The following PDIA2 variants were observed in gnomAD, a reference collection of about 807,000 sequenced individuals.
PDIA2 encodes protein disulfide-isomerase A2.
In PDIA2, 76 loss-of-function variants were observed where a neutral mutation model predicts 51.1. The ratio of observed to expected loss-of-function variants is 1.49; its 90% CI spans 1.24 to 1.80. The LOEUF (loss-of-function observed/expected upper bound fraction) is 1.80. Among genes scored for constraint, PDIA2 ranks in the 40% most tolerant of loss-of-function variants. PDIA2 has a pLI of 0.00. For synonymous variants in PDIA2, 429 were observed against 309.9 expected (o/e 1.38, Z -4.04); for missense variants, 946 against 706.5 (o/e 1.34, Z -3.84).
Position 286,861 on chromosome 16 carries a change from C to T in PDIA2, c.1449C>T (p.Asp483=), listed in dbSNP as rs2052390317. Residue 483 remains aspartate (D), a synonymous_variant, in exon 10 of 11, where the codon GAC becomes GAT. Coordinates refer to ENST00000219406, the MANE Select transcript of PDIA2 (RefSeq NM_006849.4). Reference sequence around the variant, plus strand: ...TGATTGAATACAAAAGCACCAGGGACCTGGAGACTTTCTCCAAGTTCCTGG... The same window carrying T: ...TGATTGAATACAAAAGCACCAGGGATCTGGAGACTTTCTCCAAGTTCCTGG... ...RKVIEYKSTR[D]LETFSKFLDN... 1.2e-6 allele frequency: 2 copies of T among 1,608,602 alleles called. No individual in the cohort carries two copies. Among genetic ancestry groups the T allele is most frequent in the African/African-American group, 1.3e-5 (1 of 74,670 alleles).
At position 283,267 on chromosome 16, in the gene PDIA2, C is replaced by T. The variant is rs1215589103; in HGVS notation, c.98C>T (p.Pro33Leu). ...GGAGCGAGGAGCCCCTCGGAGGAGC[C>T]TCCAGAGGAGGAAATCCCCAAGGAG... Reference protein sequence around the residue: ...EQGARSPSEEPPEEEIPKEDG... With the variant: ...EQGARSPSEELPEEEIPKEDG... The change falls in exon 1 of 11, where the codon CCT (proline) becomes CTT (leucine). Residue 33 changes from proline to leucine, a missense_variant. Physicochemically the swap from Pro to Leu is moderately conservative, Grantham distance 98. Transcript: ENST00000219406. 1.9e-6 allele frequency: 3 copies of T among 1,610,984 alleles called. No homozygotes were observed. The highest frequency in any genetic ancestry group is 1.1e-5 in the South Asian group (1 of 90,858).
Position 285,531 on chromosome 16 carries a change from C to A in PDIA2, c.947C>A (p.Ala316Glu), listed in dbSNP as rs45459806. 1 of 1,612,988 alleles carries A rather than the reference C, an allele frequency of 6.2e-7. No individual in the cohort carries two copies. The highest frequency in any genetic ancestry group is 8.5e-7 in the Non-Finnish European group (1 of 1,179,956). ...GTGCTGTTCGTGGTGGTGGACGTGG[C>A]GGCCGACAATGAGCACGTGCTGCAG... is the stretch of plus-strand genomic sequence containing the variant. ...GQVLFVVVDV[A>E]ADNEHVLQYF... The change falls in exon 7 of 11, where the codon GCG becomes GAG. Residue 316 changes from alanine to glutamate, a missense_variant. By Grantham distance (107) the Ala-to-Glu change is moderately radical. Coordinates refer to ENST00000219406, the MANE Select transcript of PDIA2 (RefSeq NM_006849.4).
rs538573754 is a variant in PDIA2 at position 284,827 on chromosome 16, G to A, written c.540+35G>A. ...TGGGCATGGGGGGCCGGGCCATGAG[G>A]GCAGTGACTGTGGGTGGGACCGGGT... On this transcript the variant is annotated intron_variant, in intron 3 of 10. Coordinates refer to ENST00000219406, the MANE Select transcript of PDIA2 (RefSeq NM_006849.4). 6.1e-5 allele frequency: 97 copies of A among 1,601,306 alleles called. 1 individual carries two copies. In the South Asian group the frequency reaches 8.4e-4, roughly 14 times the overall value.
At chr16:285,819 C>T in intron 7 of PDIA2, 116 bp downstream of exon 7, 6 of 1,157,886 alleles carry the variant, frequency 5.2e-6, no homozygotes, top group Non-Finnish European at 7.3e-6. Flanking sequence ...CCGCAGAGGC[C>T]CCCCTCAACC....
At chr16:283,754 C>T (rs1292493665) in intron 1 of PDIA2, among the ~76,000 whole-genome samples, 2 of 152,218 alleles carry the variant, frequency 1.3e-5, no homozygotes, top group Non-Finnish European at 2.9e-5. Context: ...GCCCTGTGGT[C>T]TTTTCGCAAC....
At position 287,112 on chromosome 16, in the gene PDIA2, A is replaced by AGCT; in HGVS notation, c.*2_*4dup. The stretch of plus-strand genomic sequence containing the variant: ...ACTATGGGGTCCAAGGAGGAACTGT[A>AGCT]GCTGCCCCCGTGTCACCCCCGCCAT... On this transcript the variant is annotated inframe_insertion and stop_retained_variant, in exon 11 of 11. Transcript: ENST00000219406. 1 of 1,612,578 alleles carries AGCT rather than the reference A, an allele frequency of 6.2e-7. No individual in the cohort carries two copies. The highest frequency in any genetic ancestry group is 1.1e-5 in the South Asian group (1 of 91,072).
chr16:285,101 A>G lies in PDIA2; in HGVS notation c.696A>G (p.Ala232=). 2 of 1,613,036 alleles carry G rather than the reference A, an allele frequency of 1.2e-6. No homozygotes were observed. The highest frequency in any genetic ancestry group is 2.2e-5 in the South Asian group (2 of 91,086). Residue 232 remains alanine (A), a synonymous_variant, in exon 5 of 11, where the codon GCA becomes GCG. Transcript: ENST00000219406. ...VLFKKFDEGR[A]DFPVDEELGL... Reference sequence around the variant, plus strand: ...CTGTCCAGTTTGATGAGGGGCGGGCAGACTTCCCCGTGGACGAGGAGCTTG... The same window carrying G: ...CTGTCCAGTTTGATGAGGGGCGGGCGGACTTCCCCGTGGACGAGGAGCTTG...
Position 283,166 on chromosome 16 carries a change from C to T in PDIA2, c.-4C>T. ...GCCCCCGCCCCACGCGCCCTGGCAG[C>T]ACCATGAGCCGCCAGCTTCTGCCTG... On this transcript the variant is annotated 5_prime_UTR_variant, in exon 1 of 11. Coordinates refer to ENST00000219406, the MANE Select transcript of PDIA2 (RefSeq NM_006849.4). The T allele has an allele frequency of 6.6e-7, 1 of 1,508,550 alleles. No individual in the cohort carries two copies. Among genetic ancestry groups the T allele is most frequent in the Non-Finnish European group, 8.8e-7 (1 of 1,131,274 alleles). The allele number at this position is 1,508,550 out of a possible 1,614,324, so 93.4% of individuals were successfully genotyped here. A position where few individuals can be genotyped will look rare whatever the true frequency, so the allele number is the denominator to read the frequency against.
chr16:286,765 C>T, intron 9 of PDIA2, 30 bp downstream of exon 9: 3 of 1,612,542 alleles, frequency 1.9e-6, no homozygotes, highest in South Asian at 2.2e-5. Context: ...GGGGAGGAAG[C>T]CGGGGTGCCA....
In PDIA2 at chr16:286,907, A is replaced by ACGGAGGAGCCCC. The variant is rs753759597; in HGVS notation, c.1506_1517dup (p.Pro503_Pro506dup). On this transcript the variant is annotated inframe_insertion, in exon 10 of 11. Coordinates refer to ENST00000219406, the MANE Select transcript of PDIA2 (RefSeq NM_006849.4). ...CCTGGACAACGGGGGCGTGCTGCCC[A>ACGGAGGAGCCCC]CGGAGGAGCCCCCGGAGGAGCCAGC... is the stretch of plus-strand genomic sequence containing the variant. The ACGGAGGAGCCCC allele has an allele frequency of 5.0e-6, 8 of 1,602,052 alleles. No individual in the cohort carries two copies. The highest frequency in any genetic ancestry group is 4.5e-5 in the East Asian group (2 of 44,704).
rs45612235 is a variant in PDIA2 at position 285,619 on chromosome 16, G to C, written c.1035G>C (p.Lys345Asn). The part of the protein sequence containing the change: ...TLRLVNLETT[K>N]KYAPVDGGPV... ...GCTTGGTCAACCTTGAAACCACTAA[G>C]AAGTATGCGCCTGTGGATGGGGGCC... The change falls in exon 7 of 11, where the codon AAG (lysine) becomes AAC (asparagine). Residue 345 changes from lysine to asparagine, a missense_variant. Transcript: ENST00000219406. The C allele has an allele frequency of 9.3e-6, 15 of 1,613,146 alleles. No homozygotes were observed. The highest frequency in any genetic ancestry group is 1.3e-5 in the Non-Finnish European group (15 of 1,179,926).
rs375604412 is a variant in PDIA2 at position 286,380 on chromosome 16, CCT to C, written c.1148_1149del (p.Pro383ArgfsTer8). The C allele has an allele frequency of 1.7e-4, 280 of 1,610,678 alleles. 2 individuals are homozygous for C. Among genetic ancestry groups the C allele is most frequent in the African/African-American group, 2.3e-4 (17 of 73,936 alleles). ...CTATCTCCTGAGCCAGGAGATACCC[CCT>C]GATTGGGATCAGCGGCCAGTTAAGA... ...KPYLLSQEIPPDWDQRPVKTL... is the reference protein window; with the variant it reads ...KPYLLSQEIPXDWDQRPVKTL... On this transcript the variant is annotated frameshift_variant, in exon 8 of 11. Transcript: ENST00000219406. LOFTEE classifies it high-confidence loss of function.
intron 2 of PDIA2, 26 bp from the exon 3 acceptor site, chr16:284,633 C>A (rs373397966): frequency 1.7e-4 from 265 of 1,603,246 alleles, no homozygotes; most frequent in Non-Finnish European, 2.1e-4. Flanking sequence ...GGTGGCCAGG[C>A]CGAGGCTGAG....
intron 1 of PDIA2, among the ~76,000 whole-genome samples, chr16:283,907 C>T (rs1020527154): frequency 4.6e-5 from 7 of 152,188 alleles, no homozygotes; most frequent in Non-Finnish European, 7.4e-5. Flanking sequence ...TTTTGTCGCC[C>T]AGGCTGGAGT....
chr16:284,206 C>A, intron 1 of PDIA2, 181 bp from the exon 2 acceptor site: 1 of 657,732 alleles, frequency 1.5e-6, no homozygotes, highest in Non-Finnish European at 2.7e-6. Flanking sequence ...CTCTCCCAAG[C>A]CTTACTGGTC....
At chr16:287,014 G>C (rs1450565925) in intron 10 of PDIA2, 55 bp from the exon 11 acceptor site, 1 of 1,612,184 alleles carries the variant, frequency 6.2e-7, no homozygotes, top group African/African-American at 1.3e-5. Context: ...GGCAGGGGCG[G>C]GGGCAGGGGT....
chr16:285,526 C>A lies in PDIA2; in HGVS notation c.942C>A (p.Asp314Glu). 1.9e-6 allele frequency: 3 copies of A among 1,612,900 alleles called. No homozygotes were observed. In the South Asian group the frequency reaches 3.3e-5, roughly 18 times the overall value. Residue 314 changes from aspartate (D) to glutamate (E), a missense_variant, in exon 7 of 11, where the codon GAC becomes GAA. Coordinates refer to ENST00000219406, the MANE Select transcript of PDIA2 (RefSeq NM_006849.4). ...FRGQVLFVVVDVAADNEHVLQ... is the reference protein window; with the variant it reads ...FRGQVLFVVVEVAADNEHVLQ... ...CACAGGTGCTGTTCGTGGTGGTGGA[C>A]GTGGCGGCCGACAATGAGCACGTGC...
Position 286,383 on chromosome 16 carries a change from G to A in PDIA2, c.1150G>A (p.Asp384Asn), listed in dbSNP as rs2052379666. The A allele has an allele frequency of 6.2e-7, 1 of 1,609,358 alleles. No individual in the cohort carries two copies. The highest frequency in any genetic ancestry group is 8.5e-7 in the Non-Finnish European group (1 of 1,179,204). Residue 384 changes from aspartate (D) to asparagine (N), a missense_variant, in exon 8 of 11, where the codon GAT becomes AAT. Asp to Asn is a conservative substitution (Grantham distance 23). Transcript: ENST00000219406. ...PYLLSQEIPPDWDQRPVKTLV... is the reference protein window; with the variant it reads ...PYLLSQEIPPNWDQRPVKTLV... The stretch of plus-strand genomic sequence containing the variant: ...TCTCCTGAGCCAGGAGATACCCCCT[G>A]ATTGGGATCAGCGGCCAGTTAAGAC...
rs752712929 is a variant in PDIA2 at position 286,572 on chromosome 16, A to C, written c.1259A>C (p.His420Pro). Reference protein sequence around the residue: ...FVKFYAPWCTHCKEMAPAWEA... With the variant: ...FVKFYAPWCTPCKEMAPAWEA... ...ATCCTAGATGCCCCGTGGTGCACCC[A>C]CTGCAAGGAGATGGCCCCTGCCTGG... is the stretch of plus-strand genomic sequence containing the variant. The change falls in exon 9 of 11, where the codon CAC (histidine) becomes CCC (proline). Residue 420 changes from histidine (H) to proline (P), a missense_variant. Coordinates refer to ENST00000219406, the MANE Select transcript of PDIA2 (RefSeq NM_006849.4). The C allele has an allele frequency of 1.2e-6, 2 of 1,612,804 alleles. No homozygotes were observed. Among genetic ancestry groups the C allele is most frequent in the Non-Finnish European group, 8.5e-7 (1 of 1,179,958 alleles).
Sources: allele counts gnomAD v4.1 joint callset (sites outside exome capture counted in the v4.1 genomes callset), GRCh38; gene constraint gnomAD v4.1.1; transcripts MANE v1.5; gene names NCBI Gene and HGNC (gene_info 2026-07-23, HGNC 2026-07-21).